CIDEA: variants seen among roughly 807,000 people sequenced by gnomAD.
The protein encoded by CIDEA is lipid transferase CIDEA.
In CIDEA, 10 loss-of-function variants were observed where a neutral mutation model predicts 18.2. The ratio of observed to expected loss-of-function variants is 0.55; its 90% CI spans 0.34 to 0.93. The LOEUF (loss-of-function observed/expected upper bound fraction) is 0.93. CIDEA is among the 40% of genes least tolerant of loss of function. The pLI is 0.02. For missense variants in CIDEA, 309 were observed against 293.1 expected, an observed-to-expected ratio of 1.05 and a Z score of -0.40; for synonymous variants, 128 against 124.8, an observed-to-expected ratio of 1.03 and a Z score of -0.17.
intron 4 of CIDEA, among the ~76,000 whole-genome samples, chr18:12,276,395 C>A (rs1012549082): frequency 3.3e-5 from 5 of 152,100 alleles, no homozygotes; most frequent in Non-Finnish European, 7.3e-5. Flanking sequence ...TGGACTCAAG[C>A]GATCCTCCCA....
chr18:12,262,792 T>A (rs767735081), intron 1 of CIDEA, 33 bp from the exon 2 acceptor site: 7 of 1,593,108 alleles, frequency 4.4e-6, no homozygotes, highest in Middle Eastern at 1.7e-4. Flanking sequence ...CAGACTCTTT[T>A]TAAAAAGTTT....
At chr18:12,263,034 G>A in intron 2 of CIDEA, 65 bp downstream of exon 2, 1 of 1,543,742 alleles carries the variant, frequency 6.5e-7, no homozygotes, top group Non-Finnish European at 8.8e-7. Context: ...CAGGGCCATG[G>A]TCTTGGGCTC....
intron 3 of CIDEA, among the ~76,000 whole-genome samples, chr18:12,268,684 G>A (rs868364274): frequency 2.6e-5 from 4 of 152,090 alleles, no homozygotes; most frequent in Admixed American, 6.6e-5. Context: ...TTACAGGCGT[G>A]AGCCACCCCG....
At chr18:12,275,544 C>T (rs574511281) in intron 4 of CIDEA, among the ~76,000 whole-genome samples, 2 of 152,192 alleles carry the variant, frequency 1.3e-5, no homozygotes, top group Non-Finnish European at 2.9e-5. Context: ...AAAAGTTTTG[C>T]AGCTGCTGCC....
Position 12,264,411 on chromosome 18 carries a change from C to G in CIDEA, c.288C>G (p.Asn96Lys). Residue 96 changes from asparagine to lysine, a missense_variant, in exon 3 of 5, where the codon AAC (asparagine) becomes AAG (lysine). Physicochemically the swap from Asn to Lys is moderately conservative, Grantham distance 94. Coordinates refer to ENST00000320477, the MANE Select transcript of CIDEA (RefSeq NM_001279.4). Reference sequence around the variant, plus strand: ...AGTTCTTTCAGACCTTGGGAGACAACACGCATTTCATGATCTTGGAAAAAG... The same window carrying G: ...AGTTCTTTCAGACCTTGGGAGACAAGACGCATTTCATGATCTTGGAAAAAG... ...TEEFFQTLGD[N>K]THFMILEKGQ... 6.2e-7 allele frequency: 1 copy of G among 1,614,054 alleles called. No individual in the cohort carries two copies. Among genetic ancestry groups the G allele is most frequent in the African/African-American group, 1.3e-5 (1 of 75,034 alleles).
At chr18:12,272,325 G>T (rs995422138) in intron 3 of CIDEA, among the ~76,000 whole-genome samples, 16 of 152,264 alleles carry the variant, frequency 1.1e-4, no homozygotes, top group Admixed American at 1.0e-3. Flanking sequence ...TGCTTCTCCT[G>T]CCTCAGCCTT....
chr18:12,258,461 C>A (rs1341523817), intron 1 of CIDEA, among the ~76,000 whole-genome samples: 1 of 152,240 alleles, frequency 6.6e-6, no homozygotes, highest in Non-Finnish European at 1.5e-5. Context: ...ATCTTTCACT[C>A]AGTAAATAGA....
intron 1 of CIDEA, among the ~76,000 whole-genome samples, chr18:12,257,083 A>G (rs1912058990): frequency 6.6e-6 from 1 of 152,104 alleles, no homozygotes; most frequent in Admixed American, 6.5e-5. Context: ...CTGTCTCTAC[A>G]GCTCAGGGAC....
At chr18:12,276,396 G>T (rs1044409766) in intron 4 of CIDEA, among the ~76,000 whole-genome samples, 2 of 152,028 alleles carry the variant, frequency 1.3e-5, no homozygotes, top group Non-Finnish European at 2.9e-5. Flanking sequence ...GGACTCAAGC[G>T]ATCCTCCCAC....
chr18:12,262,639 C>T (rs1267127200), intron 1 of CIDEA, among the ~76,000 whole-genome samples, 186 bp from the exon 2 acceptor site: 1 of 152,152 alleles, frequency 6.6e-6, no homozygotes, highest in Non-Finnish European at 1.5e-5. Context: ...TGTGTTTTGG[C>T]TTGATGTGTT....
At chr18:12,265,123 G>T (rs1377026620) in intron 3 of CIDEA, among the ~76,000 whole-genome samples, 1 of 152,212 alleles carries the variant, frequency 6.6e-6, no homozygotes, top group Non-Finnish European at 1.5e-5. Flanking sequence ...AGGGAGAGGG[G>T]TGTGTGTGCA....
At chr18:12,263,051 A>G in intron 2 of CIDEA, 82 bp downstream of exon 2, 1 of 1,456,550 alleles carries the variant, frequency 6.9e-7, no homozygotes, top group Non-Finnish European at 9.4e-7. Flanking sequence ...GCTCTAAGCC[A>G]GGGCCAGCAC....
intron 3 of CIDEA, 93 bp downstream of exon 3, chr18:12,264,546 CTTTCT>C (rs1346879802): frequency 2.2e-6 from 2 of 893,618 alleles, no homozygotes; most frequent in Non-Finnish European, 3.1e-6. Flanking sequence ...TGTCCACTTT[CTTTCT>C]TTTTTTTTTT....
intron 1 of CIDEA, chr18:12,254,869 C>G: frequency 7.5e-7 from 1 of 1,326,274 alleles, no homozygotes; most frequent in Non-Finnish European, 1.0e-6. Flanking sequence ...GGGAGCTGGG[C>G]GCGGGAGGGG....
At chr18:12,275,714 T>C (rs560234628) in intron 4 of CIDEA, among the ~76,000 whole-genome samples, 1 of 152,234 alleles carries the variant, frequency 6.6e-6, no homozygotes, top group South Asian at 2.1e-4. Flanking sequence ...TCACCTGAGG[T>C]GGGCCAGGGT....
chr18:12,277,001 T>C, intron 4 of CIDEA, 122 bp from the exon 5 acceptor site: 1 of 1,080,738 alleles, frequency 9.3e-7, no homozygotes, highest in Non-Finnish European at 1.4e-6. Context: ...AGCCATGCTC[T>C]AAATGTCAGC....
In CIDEA at chr18:12,254,370, A is replaced by G. The variant is rs1598771022; in HGVS notation, c.-14A>G. The G allele has an allele frequency of 1.3e-6, 2 of 1,527,644 alleles. No homozygotes were observed. Among genetic ancestry groups the G allele is most frequent in the East Asian group, 2.3e-5 (1 of 43,828 alleles). 94.6% of individuals were successfully genotyped at this position (1,527,644 alleles called of 1,614,324 possible). ...AGGCAGACAGACCTCCAGGCCCGCT[A>G]GGGGATCCGCGCCATGGAGGCCGCC... On this transcript the variant is annotated 5_prime_UTR_variant, in exon 1 of 5. Coordinates refer to ENST00000320477, the MANE Select transcript of CIDEA (RefSeq NM_001279.4).
At chr18:12,254,743 C>T (rs911377387) in intron 1 of CIDEA, 6 of 1,435,508 alleles carry the variant, frequency 4.2e-6, no homozygotes, top group Non-Finnish European at 5.6e-6. Flanking sequence ...TGGCTGCATG[C>T]ATCTCTGGCC....
intron 3 of CIDEA, among the ~76,000 whole-genome samples, chr18:12,271,792 CTG>C (rs1305765952): frequency 6.6e-6 from 1 of 152,008 alleles, no homozygotes; most frequent in Non-Finnish European, 1.5e-5. Flanking sequence ...CCAGTTTAGA[CTG>C]AGACCAGAAC....
Sources: gnomAD v4.1 joint callset for allele counts (sites outside exome capture counted in the v4.1 genomes callset) on GRCh38, gnomAD v4.1.1 for gene constraint, MANE v1.5 for transcripts, NCBI Gene and HGNC (gene_info 2026-07-23, HGNC 2026-07-21) for gene names.